Variants in LRRN1 observed in about 807,000 individuals in gnomAD.
LRRN1 encodes leucine rich repeat neuronal 1, also known as leucine-rich repeat neuronal protein 1.
A neutral mutation model predicts 45.8 loss-of-function variants in LRRN1; 14 were observed. The observed-to-expected ratio is 0.31, with a 90% confidence interval of 0.20 to 0.48. The LOEUF (loss-of-function observed/expected upper bound fraction) is 0.48, where lower values mean the gene tolerates loss of function less well. Ranked by LOEUF, LRRN1 falls within the 20% of genes least tolerant of loss-of-function variation. LRRN1 has a pLI of 0.99. For missense variants in LRRN1, 789 were observed against 874.2 expected (o/e 0.90, Z 1.23); for synonymous variants, 359 against 330.1 (o/e 1.09, Z -0.95).
At chr3:3,812,812 T>TA (rs34881587) in intron 1 of LRRN1, among the ~76,000 whole-genome samples, 54,430 of 121,352 alleles carry the variant, frequency 0.45, 12,432 homozygotes, top group African/African-American at 0.59. Flanking sequence ...ATCTTGGTTG[T>TA]AAAAAAAAAA....
At chr3:3,842,745 A>ACAAACACC (rs560102215) in intron 1 of LRRN1, among the ~76,000 whole-genome samples, 57 of 152,316 alleles carry the variant, frequency 3.7e-4, no homozygotes, top group Admixed American at 7.8e-4. Flanking sequence ...CTATAGCAAG[A>ACAAACACC]CAAACACCAG....
chr3:3,816,010 A>G lies in LRRN1; in HGVS notation c.-279+16091A>G, dbSNP rs1692981578. Among the ~76,000 whole-genome samples the G allele has an allele frequency of 6.6e-6, 1 of 152,218 alleles. No homozygotes were observed. Among genetic ancestry groups the G allele is most frequent in the Non-Finnish European group, 1.5e-5 (1 of 68,030 alleles). The stretch of plus-strand genomic sequence containing the variant: ...TATTAGAAAAATAGGAGGTAAGCCA[A>G]TAAAGATGATCTTATCATAGCATTG... On this transcript the variant is annotated intron_variant, in intron 1 of 1. Coordinates refer to ENST00000319331, the MANE Select transcript of LRRN1 (RefSeq NM_020873.7). This position sits in a 1 kb window ranked among gnomAD's most constrained non-coding sequence, Gnocchi z 4.0.
Position 3,846,968 on chromosome 3 carries a change from A to G in LRRN1, c.*176A>G, listed in dbSNP as rs1693793723. The G allele has an allele frequency of 7.9e-6, 4 of 507,664 alleles. No homozygotes were observed. The allele number at this position is 507,664 out of a possible 1,614,324, so 31.4% of individuals were successfully genotyped here. ...GTATAGCGTATCGCAAGGGTTTGAC[A>G]CGGCTGCCAGCGACTCTAGGCTTCC... On this transcript the variant is annotated 3_prime_UTR_variant, in exon 2 of 2. Coordinates refer to ENST00000319331, the MANE Select transcript of LRRN1 (RefSeq NM_020873.7). The surrounding 1 kb of genome is among the most constrained non-coding windows in gnomAD (Gnocchi z 5.7).
At chr3:3,837,980 G>A (rs1221809153) in intron 1 of LRRN1, among the ~76,000 whole-genome samples, 1 of 152,070 alleles carries the variant, frequency 6.6e-6, no homozygotes, top group African/African-American at 2.4e-5. Context: ...GTGAGAACAT[G>A]TGGTGTTTGG....
intron 1 of LRRN1, chr3:3,804,333 A>T (rs535225375): frequency 9.2e-5 from 14 of 152,220 alleles, no homozygotes; most frequent in Non-Finnish European, 1.8e-4. Flanking sequence ...TAAAAGGTTT[A>T]TGTAAGCCAT....
At chr3:3,821,855 G>C (rs184577287) in intron 1 of LRRN1, among the ~76,000 whole-genome samples, 1 of 152,168 alleles carries the variant, frequency 6.6e-6, no homozygotes, top group Non-Finnish European at 1.5e-5. Context: ...CTAGCTGTTT[G>C]ATTTATCTAT....
chr3:3,827,276 G>T, intron 1 of LRRN1: 1 of 226,086 alleles, frequency 4.4e-6, no homozygotes, highest in South Asian at 5.8e-5. Context: ...AACCAAGTCT[G>T]TCTCTCCAGA....
intron 1 of LRRN1, among the ~76,000 whole-genome samples, chr3:3,840,065 G>A (rs1225822940): frequency 6.6e-6 from 1 of 152,098 alleles, no homozygotes; most frequent in African/African-American, 2.4e-5. Context: ...ATTCTTAGAG[G>A]AGAAACTTTC....
Position 3,845,837 on chromosome 3 carries a change from G to C in LRRN1, c.1196G>C (p.Cys399Ser). Reference sequence around the variant, plus strand: ...TTCATGGAGCCCCTGTCCATGTTCTGTGCCATGCCGCCCGAATATAAAGGG... The same window carrying C: ...TTCATGGAGCCCCTGTCCATGTTCTCTGCCATGCCGCCCGAATATAAAGGG... ...IRFMEPLSMF[C>S]AMPPEYKGHQ... The change falls in exon 2 of 2, where the codon TGT becomes TCT. Residue 399 changes from cysteine to serine, a missense_variant. Transcript: ENST00000319331. This position sits in a 1 kb window ranked among gnomAD's most constrained non-coding sequence, Gnocchi z 6.5. 6.2e-7 allele frequency: 1 copy of C among 1,614,102 alleles called. No individual in the cohort carries two copies. The highest frequency in any genetic ancestry group is 8.5e-7 in the Non-Finnish European group (1 of 1,180,022).
chr3:3,801,592 A>G (rs1046574302), intron 1 of LRRN1, among the ~76,000 whole-genome samples: 8 of 152,208 alleles, frequency 5.3e-5, no homozygotes, highest in African/African-American at 1.9e-4. Context: ...ATCCATTCAC[A>G]TGAAGGAATT....
Position 3,845,847 on chromosome 3 carries a change from G to C in LRRN1, c.1206G>C (p.Pro402=), listed in dbSNP as rs147557425. ...MEPLSMFCAM[P]PEYKGHQVKE... is the part of the protein sequence containing the mutation. ...CCCTGTCCATGTTCTGTGCCATGCC[G>C]CCCGAATATAAAGGGCACCAGGTGA... Residue 402 remains proline (P), a synonymous_variant, in exon 2 of 2, where the codon CCG becomes CCC. Transcript: ENST00000319331. This position sits in a 1 kb window ranked among gnomAD's most constrained non-coding sequence, Gnocchi z 6.5. The C allele has an allele frequency of 6.2e-7, 1 of 1,613,994 alleles. No homozygotes were observed. The highest frequency in any genetic ancestry group is 2.2e-5 in the East Asian group (1 of 44,864).
intron 1 of LRRN1, among the ~76,000 whole-genome samples, chr3:3,830,107 C>T (rs1693333171): frequency 6.6e-6 from 1 of 152,186 alleles, no homozygotes; most frequent in Non-Finnish European, 1.5e-5. Context: ...TGAGCAACGA[C>T]AGGGGTGGCT....
Position 3,846,285 on chromosome 3 carries a change from T to C in LRRN1, c.1644T>C (p.Asn548=). The C allele has an allele frequency of 6.2e-7, 1 of 1,614,046 alleles. No homozygotes were observed. Among genetic ancestry groups the C allele is most frequent in the South Asian group, 1.1e-5 (1 of 91,080 alleles). ...TAGTGTCCTGGAAAGTTAATTCCAA[T>C]GTCATGACGTCAAACTTAAAATGGT... The part of the protein sequence containing the change: ...SILVSWKVNS[N]VMTSNLKWSS... The change falls in exon 2 of 2, where the codon AAT becomes AAC. Residue 548 remains asparagine, a synonymous_variant. Transcript: ENST00000319331. This position sits in a 1 kb window ranked among gnomAD's most constrained non-coding sequence, Gnocchi z 5.7.
At chr3:3,807,243 T>C in intron 1 of LRRN1, among the ~76,000 whole-genome samples, 1 of 152,150 alleles carries the variant, frequency 6.6e-6, no homozygotes, top group East Asian at 1.9e-4. Context: ...GGAAGAAAGG[T>C]TCATAGGAGA....
Position 3,844,953 on chromosome 3 carries a change from A to G in LRRN1, c.312A>G (p.Gln104=), listed in dbSNP as rs781089180. Reference sequence around the variant, plus strand: ...ACTTGACTGAACTAGATTTCTCCCAAAACAACTTTACTAACATTAAGGAGG... The same window carrying G: ...ACTTGACTGAACTAGATTTCTCCCAGAACAACTTTACTAACATTAAGGAGG... ...LFNLTELDFS[Q]NNFTNIKEVG... The change falls in exon 2 of 2, where the codon CAA becomes CAG. Residue 104 remains glutamine, a synonymous_variant. Coordinates refer to ENST00000319331, the MANE Select transcript of LRRN1 (RefSeq NM_020873.7). 23 of 1,614,024 alleles carry G rather than the reference A, an allele frequency of 1.4e-5. No homozygotes were observed. The highest frequency in any genetic ancestry group is 1.9e-5 in the Non-Finnish European group (22 of 1,180,026).
rs1692989965 is a variant in LRRN1 at position 3,816,587 on chromosome 3, T to C, written c.-279+16668T>C. ...TCATTATTAGGGCCTTGAAGAAAAC[T>C]ATGTCTTAGTAAAAAATATATAACC... On this transcript the variant is annotated intron_variant, in intron 1 of 1. Transcript: ENST00000319331. This position sits in a 1 kb window ranked among gnomAD's most constrained non-coding sequence, Gnocchi z 4.0. Among the ~76,000 whole-genome samples the C allele has an allele frequency of 6.6e-6, 1 of 152,086 alleles. No individual in the cohort carries two copies.
At chr3:3,805,599 C>A (rs1692734735) in intron 1 of LRRN1, among the ~76,000 whole-genome samples, 1 of 152,182 alleles carries the variant, frequency 6.6e-6, no homozygotes, top group Non-Finnish European at 1.5e-5. Flanking sequence ...ATTTCTGCCC[C>A]AAGAGCTAGA....
In LRRN1 at chr3:3,846,530, C is replaced by T. The variant is rs1575306399; in HGVS notation, c.1889C>T (p.Thr630Ile). 1 of 1,614,172 alleles carries T rather than the reference C, an allele frequency of 6.2e-7. No homozygotes were observed. ...AVDISDQETS[T>I]ALAAVMGSMF... The stretch of plus-strand genomic sequence containing the variant: ...GACATCTCTGATCAAGAAACCAGTA[C>T]AGCCCTTGCTGCAGTAATGGGGTCT... The change falls in exon 2 of 2, where the codon ACA (threonine) becomes ATA (isoleucine). Residue 630 changes from threonine (T) to isoleucine (I), a missense_variant. Coordinates refer to ENST00000319331, the MANE Select transcript of LRRN1 (RefSeq NM_020873.7). The surrounding 1 kb of genome is among the most constrained non-coding windows in gnomAD (Gnocchi z 5.7).
chr3:3,846,968 A>C lies in LRRN1; in HGVS notation c.*176A>C. The C allele has an allele frequency of 5.9e-6, 3 of 507,662 alleles. No homozygotes were observed. The highest frequency in any genetic ancestry group is 1.1e-5 in the Non-Finnish European group (3 of 284,714). The allele number at this position is 507,662 out of a possible 1,614,324, so 31.4% of individuals were successfully genotyped here. A position where few individuals can be genotyped will look rare whatever the true frequency, so the allele number is the denominator to read the frequency against. On this transcript the variant is annotated 3_prime_UTR_variant, in exon 2 of 2. Transcript: ENST00000319331. This position sits in a 1 kb window ranked among gnomAD's most constrained non-coding sequence, Gnocchi z 5.7. ...GTATAGCGTATCGCAAGGGTTTGAC[A>C]CGGCTGCCAGCGACTCTAGGCTTCC... is the stretch of plus-strand genomic sequence containing the variant.
Sources: gnomAD v4.1 joint callset for allele counts (sites outside exome capture counted in the v4.1 genomes callset) on GRCh38, gnomAD v4.1.1 for gene constraint, Gnocchi (gnomAD v3.1) non-coding constraint, MANE v1.5 for transcripts, NCBI Gene and HGNC (gene_info 2026-07-23, HGNC 2026-07-21) for gene names.